ATXN2: variants seen among roughly 807,000 people sequenced by gnomAD.
ATXN2 encodes the protein ataxin 2.
ATXN2 carries 37 observed loss-of-function variants against 138.6 expected under a neutral mutation model. The ratio of observed to expected loss-of-function variants is 0.27; its 90% CI spans 0.21 to 0.35. The LOEUF (loss-of-function observed/expected upper bound fraction) is 0.35, where lower values mean the gene tolerates loss of function less well. ATXN2 is among the 10% of genes least tolerant of loss of function. ATXN2 has a pLI of 1.00. For synonymous variants in ATXN2, 549 were observed against 543.7 expected (o/e 1.01, Z -0.13); for missense variants, 1,216 against 1,480.3 (o/e 0.82, Z 2.93).
intron 20 of ATXN2, 109 bp from the exon 21 acceptor site, chr12:111,464,824 C>A: frequency 1.2e-6 from 1 of 820,258 alleles, no homozygotes; most frequent in South Asian, 1.6e-5. Context: ...ATGCATAATT[C>A]ATTTTCATAA....
At chr12:111,520,187 GAAACTA>G (rs539685628) in intron 7 of ATXN2, 111 bp from the exon 8 acceptor site, 370 of 1,344,472 alleles carry the variant, frequency 2.8e-4, no homozygotes, top group African/African-American at 1.4e-3. Context: ...GGTAAAAACA[GAAACTA>G]AAACTAAAAC....
rs571969957 is a variant in ATXN2, at chr12:111,492,447, G to T, written c.1936-3667C>A. On this transcript the variant is annotated intron_variant, in intron 14 of 24. Transcript: ENST00000673436. ...GCCTGTAATCCCAACACTCTGAGAGGCCAAGGCGGACAGATCACGAGGTTA... is the reference window on the plus strand; with the variant it reads ...GCCTGTAATCCCAACACTCTGAGAGTCCAAGGCGGACAGATCACGAGGTTA... Among the ~76,000 whole-genome samples the T allele has an allele frequency of 2.0e-5, 3 of 152,312 alleles. No individual in the cohort carries two copies. In the South Asian group the frequency reaches 6.2e-4, roughly 32 times the overall value.
At chr12:111,542,553 A>AG (rs1881578181) in intron 5 of ATXN2, among the ~76,000 whole-genome samples, 2 of 152,100 alleles carry the variant, frequency 1.3e-5, no homozygotes, top group African/African-American at 4.8e-5. Flanking sequence ...TGCAGCCTTG[A>AG]CTTACTGGCT....
At chr12:111,495,078 G>A (rs1454037560) in intron 14 of ATXN2, among the ~76,000 whole-genome samples, 3 of 152,138 alleles carry the variant, frequency 2.0e-5, no homozygotes, top group African/African-American at 4.8e-5. Flanking sequence ...GGCCAAGGCA[G>A]GCAAATCACC....
chr12:111,594,030 C>CT (rs1825858834), intron 1 of ATXN2, among the ~76,000 whole-genome samples: 1 of 152,172 alleles, frequency 6.6e-6, no homozygotes, highest in African/African-American at 2.4e-5. Context: ...ACTCATTCCC[C>CT]TCCCCACACT....
chr12:111,486,747 A>C lies in ATXN2; in HGVS notation c.2304+14T>G. On this transcript the variant is annotated intron_variant, in intron 16 of 24. Transcript: ENST00000673436. Reference sequence around the variant, plus strand: ...TTTGGGACTAGATAACCTCAAAGAAAGTAATAAACCTACCTGAGAGAAGGA... The same window carrying C: ...TTTGGGACTAGATAACCTCAAAGAACGTAATAAACCTACCTGAGAGAAGGA... The C allele has an allele frequency of 6.3e-7, 1 of 1,598,522 alleles. No homozygotes were observed. Among genetic ancestry groups the C allele is most frequent in the Non-Finnish European group, 8.6e-7 (1 of 1,168,054 alleles).
At chr12:111,538,776 T>C (rs1881334521) in intron 5 of ATXN2, among the ~76,000 whole-genome samples, 1 of 150,272 alleles carries the variant, frequency 6.7e-6, no homozygotes, top group Admixed American at 6.7e-5. Context: ...CAAAATCAAC[T>C]AAAAAATAAT....
chr12:111,576,945 G>A (rs574406502), intron 1 of ATXN2, among the ~76,000 whole-genome samples: 11 of 151,856 alleles, frequency 7.2e-5, no homozygotes, highest in South Asian at 2.1e-4. Flanking sequence ...GCGACAGAGC[G>A]AGACTCCGTC....
chr12:111,586,388 GTTTTTT>G (rs759694846), intron 1 of ATXN2, among the ~76,000 whole-genome samples: 1 of 114,864 alleles, frequency 8.7e-6, no homozygotes, highest in Admixed American at 9.6e-5. Context: ...CCCAAGTCTG[GTTTTTT>G]TTTTTTTTTT....
At position 111,455,409 on chromosome 12, in the gene ATXN2, G is replaced by C. The variant is rs1383046571; in HGVS notation, c.3270+620C>G. ...CTGTAGCAGCTTACACTGGAGGTGA[G>C]CTCCAAAGTGCTTCCAGGGCTGCTC... On this transcript the variant is annotated intron_variant, in intron 23 of 24. Transcript: ENST00000673436. 2.3e-5 allele frequency: 9 copies of C among 386,196 alleles called. No individual in the cohort carries two copies. The Admixed American group carries it at 3.4e-4, about 15-fold the overall frequency. The allele number at this position is 386,196 out of a possible 1,614,324, so 23.9% of individuals were successfully genotyped here.
At chr12:111,551,601 T>C (rs1160764133) in intron 5 of ATXN2, among the ~76,000 whole-genome samples, 2 of 152,220 alleles carry the variant, frequency 1.3e-5, no homozygotes, top group Non-Finnish European at 2.9e-5. Context: ...TCCTTAGCCT[T>C]ATACTTTGAT....
chr12:111,541,249 TC>T (rs1252140763), intron 5 of ATXN2, among the ~76,000 whole-genome samples: 1 of 149,970 alleles, frequency 6.7e-6, no homozygotes, highest in East Asian at 1.9e-4. Context: ...AATCCACCTT[TC>T]CTCCAGAATT....
At chr12:111,595,924 G>A (rs1430154942) in intron 1 of ATXN2, among the ~76,000 whole-genome samples, 3 of 145,864 alleles carry the variant, frequency 2.1e-5, no homozygotes, top group Non-Finnish European at 4.4e-5. Flanking sequence ...TTGGCCAGGG[G>A]CAGTAGCTCA....
chr12:111,567,314 A>G (rs770088954), intron 1 of ATXN2, among the ~76,000 whole-genome samples: 6 of 151,880 alleles, frequency 4.0e-5, no homozygotes, highest in Admixed American at 3.3e-4. Flanking sequence ...AGCCTCACCA[A>G]TATGGTGAAA....
At position 111,486,745 on chromosome 12, in the gene ATXN2, A is replaced by C; in HGVS notation, c.2304+16T>G. On this transcript the variant is annotated intron_variant, in intron 16 of 24. Transcript: ENST00000673436. ...TTTTTGGGACTAGATAACCTCAAAG[A>C]AAGTAATAAACCTACCTGAGAGAAG... 6.3e-7 allele frequency: 1 copy of C among 1,596,708 alleles called. No homozygotes were observed. Among genetic ancestry groups the C allele is most frequent in the Non-Finnish European group, 8.6e-7 (1 of 1,166,528 alleles).
chr12:111,485,666 T>C, intron 17 of ATXN2, 47 bp downstream of exon 17: 1 of 1,605,228 alleles, frequency 6.2e-7, no homozygotes, highest in South Asian at 1.1e-5. Flanking sequence ...TGGTGTCAGA[T>C]ACAAACAATT....
intron 20 of ATXN2, among the ~76,000 whole-genome samples, chr12:111,465,486 GT>G (rs1410445768): frequency 6.6e-6 from 1 of 152,026 alleles, no homozygotes; most frequent in Non-Finnish European, 1.5e-5. Context: ...AAGAGTAGAT[GT>G]GAGGCTGGGC....
intron 14 of ATXN2, among the ~76,000 whole-genome samples, chr12:111,499,731 A>G (rs1878635294): frequency 6.6e-6 from 1 of 152,124 alleles, no homozygotes; most frequent in Non-Finnish European, 1.5e-5. Flanking sequence ...GCAGTGGCTC[A>G]CAACTATAAT....
At chr12:111,472,593 G>C (rs1876491055) in intron 18 of ATXN2, among the ~76,000 whole-genome samples, 1 of 152,158 alleles carries the variant, frequency 6.6e-6, no homozygotes, top group Non-Finnish European at 1.5e-5. Flanking sequence ...CTTTGAGACA[G>C]AGTGTCGCTC....
Sources: allele counts gnomAD v4.1 joint callset (sites outside exome capture counted in the v4.1 genomes callset), GRCh38; gene constraint gnomAD v4.1.1; transcripts MANE v1.5; gene names NCBI Gene and HGNC (gene_info 2026-07-23, HGNC 2026-07-21).